RALYL: variants seen among roughly 807,000 people sequenced by gnomAD.
RALYL encodes RNA-binding Raly-like protein.
Under a neutral mutation model 35.1 loss-of-function variants are expected in RALYL, and 29 were observed. The observed-to-expected ratio is 0.83, with a 90% CI of 0.61 to 1.13. The LOEUF (loss-of-function observed/expected upper bound fraction) is 1.13. Among genes scored for constraint, RALYL ranks in the 50% most tolerant of loss-of-function variants. The pLI, the probability that RALYL is intolerant of heterozygous loss-of-function variation, is 0.00. For synonymous variants in RALYL, 120 were observed against 127.6 expected (o/e 0.94, Z 0.40); for missense variants, 359 against 360.4 (o/e 1.00, Z 0.03).
chr8:84,286,742 T>C (rs77656997), intron 1 of RALYL, among the ~76,000 whole-genome samples: 23 of 152,276 alleles, frequency 1.5e-4, no homozygotes, highest in African/African-American at 5.5e-4. Flanking sequence ...TGATTTGTGA[T>C]TTGTTAAGGA....
intron 2 of RALYL, among the ~76,000 whole-genome samples, chr8:84,618,597 G>A (rs1472040245): frequency 1.0e-5 from 1 of 96,190 alleles, no homozygotes; most frequent in Non-Finnish European, 2.0e-5. Flanking sequence ...ATTTCCTTCA[G>A]TTCTGCTCTG....
At chr8:84,538,643 A>G (rs2135181758) in intron 2 of RALYL, among the ~76,000 whole-genome samples, 1 of 152,308 alleles carries the variant, frequency 6.6e-6, no homozygotes, top group Non-Finnish European at 1.5e-5. Flanking sequence ...AAAATATTCT[A>G]ATTGTGGAGT....
intron 2 of RALYL, among the ~76,000 whole-genome samples, chr8:84,554,381 A>G (rs1445296924): frequency 6.6e-6 from 1 of 152,236 alleles, no homozygotes; most frequent in Non-Finnish European, 1.5e-5. Flanking sequence ...TATCAAAATA[A>G]TGGTGTTAAT....
chr8:84,486,564 C>A (rs1160521389), intron 1 of RALYL, among the ~76,000 whole-genome samples: 3 of 151,732 alleles, frequency 2.0e-5, no homozygotes, highest in African/African-American at 7.2e-5. Context: ...TCAGAGGATA[C>A]TTTTTATTGG....
At chr8:84,650,224 C>T (rs893518798) in intron 2 of RALYL, among the ~76,000 whole-genome samples, 3 of 152,014 alleles carry the variant, frequency 2.0e-5, no homozygotes, top group African/African-American at 7.2e-5. Flanking sequence ...ATGTCATCTG[C>T]AAACAGGGAC....
In RALYL at chr8:84,351,233, T is replaced by G. The variant is rs184546536; in HGVS notation, c.-24+166809T>G. Among the ~76,000 whole-genome samples, 39 of 150,172 alleles carry G rather than the reference T, an allele frequency of 2.6e-4. 2 individuals carry two copies. The South Asian group carries it at 7.9e-3, about 31-fold the overall frequency. On this transcript the variant is annotated intron_variant, in intron 1 of 8. Coordinates refer to ENST00000521268, the MANE Select transcript of RALYL (RefSeq NM_173848.7). ...TTAAGTAGTTATTTTGTTAAGAATG[T>G]TCTAAACTGATCAATAAGAGGAAAA...
Position 84,407,016 on chromosome 8 carries a change from C to G in RALYL, c.-23-122283C>G, listed in dbSNP as rs557793716. Among the ~76,000 whole-genome samples the G allele has an allele frequency of 5.6e-5, 8 of 142,500 alleles. No homozygotes were observed. The East Asian group carries it at 1.6e-3, about 28-fold the overall frequency. The allele number at this position is 142,500 out of a possible 152,430, so 93.5% of individuals were successfully genotyped here. A position where few individuals can be genotyped will look rare whatever the true frequency, so the allele number is the denominator to read the frequency against. On this transcript the variant is annotated intron_variant, in intron 1 of 8. Transcript: ENST00000521268. ...TCTCTCTCTCCCTCTCTCTCTCTCT[C>G]TCTATATATATATATATATACACAC... is the stretch of plus-strand genomic sequence containing the variant.
intron 1 of RALYL, among the ~76,000 whole-genome samples, chr8:84,199,248 C>CTGATGATCGG (rs1816236247): frequency 6.6e-6 from 1 of 152,088 alleles, no homozygotes; most frequent in Non-Finnish European, 1.5e-5. Flanking sequence ...GTGCATTACT[C>CTGATGATCGG]TGATGATCGG....
chr8:84,722,070 T>C (rs1844027458), intron 2 of RALYL, among the ~76,000 whole-genome samples: 1 of 152,094 alleles, frequency 6.6e-6, no homozygotes, highest in Non-Finnish European at 1.5e-5. Flanking sequence ...TTAAATTAAC[T>C]TGAATAGTTA....
rs559230604 is a variant in RALYL, at chr8:84,891,958, G to A, written c.858+4182G>A. On this transcript the variant is annotated intron_variant, in intron 8 of 8. Coordinates refer to ENST00000521268, the MANE Select transcript of RALYL (RefSeq NM_173848.7). ...CCACATGCCCATTTGGCTGCTCAAGGCAAATCCAGAATGCTCTTGAAAAAG... is the reference window on the plus strand; with the variant it reads ...CCACATGCCCATTTGGCTGCTCAAGACAAATCCAGAATGCTCTTGAAAAAG... Among the ~76,000 whole-genome samples the A allele has an allele frequency of 7.9e-5, 12 of 152,296 alleles. No homozygotes were observed. The East Asian group carries it at 2.1e-3, about 27-fold the overall frequency.
At chr8:84,855,819 T>C (rs550468332) in intron 5 of RALYL, among the ~76,000 whole-genome samples, 5 of 152,328 alleles carry the variant, frequency 3.3e-5, no homozygotes, top group African/African-American at 1.2e-4. Flanking sequence ...GAGACTTTTA[T>C]TAACAGAGAA....
chr8:84,885,345 A>G lies in RALYL; in HGVS notation c.686-2259A>G, dbSNP rs572823871. 3.9e-5 allele frequency among the ~76,000 whole-genome samples: 6 copies of G among 152,164 alleles called. No homozygotes were observed. The East Asian group carries it at 1.2e-3, about 29-fold the overall frequency. ...ACTCAGTTTTACCTTCTTAAATTGG[A>G]TAATAATTTTCTATATTTAGAAAAA... is the stretch of plus-strand genomic sequence containing the variant. On this transcript the variant is annotated intron_variant, in intron 7 of 8. Coordinates refer to ENST00000521268, the MANE Select transcript of RALYL (RefSeq NM_173848.7).
At chr8:84,600,960 T>C (rs1322286004) in intron 2 of RALYL, among the ~76,000 whole-genome samples, 1 of 152,114 alleles carries the variant, frequency 6.6e-6, no homozygotes, top group East Asian at 1.9e-4. Flanking sequence ...AACAATATGT[T>C]CAGGAAACAT....
chr8:84,241,649 G>A (rs145456415), intron 1 of RALYL, among the ~76,000 whole-genome samples: 1,830 of 151,796 alleles, frequency 0.012, 41 homozygotes, highest in African/African-American at 0.042. Context: ...TTGGGGGTGC[G>A]TGCCTGTAGT....
intron 1 of RALYL, among the ~76,000 whole-genome samples, chr8:84,244,439 G>A (rs1303966448): frequency 6.6e-6 from 1 of 152,108 alleles, no homozygotes; most frequent in Non-Finnish European, 1.5e-5. Flanking sequence ...CATCACCAAA[G>A]TTTCTGAACA....
chr8:84,314,727 A>G (rs557594193), intron 1 of RALYL, among the ~76,000 whole-genome samples: 9 of 152,262 alleles, frequency 5.9e-5, no homozygotes, highest in African/African-American at 2.2e-4. Context: ...GTGAGACCCC[A>G]TCGTTAATCA....
At chr8:84,414,305 C>A (rs1279975883) in intron 1 of RALYL, among the ~76,000 whole-genome samples, 1 of 152,104 alleles carries the variant, frequency 6.6e-6, no homozygotes, top group Middle Eastern at 3.2e-3. Context: ...TGATGTCATT[C>A]TTCATTTTAT....
intron 1 of RALYL, among the ~76,000 whole-genome samples, chr8:84,501,475 A>C (rs983674007): frequency 2.0e-5 from 3 of 152,086 alleles, no homozygotes; most frequent in Non-Finnish European, 4.4e-5. Flanking sequence ...ATATTCCAAT[A>C]AAAATCACCC....
intron 2 of RALYL, among the ~76,000 whole-genome samples, chr8:84,695,113 T>G (rs972369192): frequency 6.6e-6 from 1 of 151,754 alleles, no homozygotes; most frequent in African/African-American, 2.4e-5. Flanking sequence ...TATAAAAGTT[T>G]TCTTTTTTAC....
Sources: gnomAD v4.1 joint callset for allele counts (sites outside exome capture counted in the v4.1 genomes callset) on GRCh38, gnomAD v4.1.1 for gene constraint, MANE v1.5 for transcripts, NCBI Gene and HGNC (gene_info 2026-07-23, HGNC 2026-07-21) for gene names.